The following LRMDA variants were observed in gnomAD, a reference collection of about 807,000 sequenced individuals.
LRMDA encodes leucine rich melanocyte differentiation associated.
Under a neutral mutation model 29.8 loss-of-function variants are expected in LRMDA, and 18 were observed. That is an observed-to-expected ratio of 0.60 (90% CI 0.42 to 0.90). LRMDA has a LOEUF of 0.90. Among genes scored for constraint, LRMDA ranks in the 40% least tolerant of loss-of-function variants. The pLI, the probability that LRMDA is intolerant of heterozygous loss-of-function variation, is 0.00. For missense variants in LRMDA, 273 were observed against 273.9 expected, an observed-to-expected ratio of 1.00 and a Z score of 0.02; for synonymous variants, 125 against 109.4, an observed-to-expected ratio of 1.14 and a Z score of -0.89.
At chr10:76,441,116 A>T (rs555362014) in intron 6 of LRMDA, among the ~76,000 whole-genome samples, 30 of 152,198 alleles carry the variant, frequency 2.0e-4, no homozygotes, top group African/African-American at 6.0e-4. Context: ...GAGGGAACAC[A>T]CACCAGATGG....
chr10:76,386,854 GTTC>G (rs1267317476), intron 6 of LRMDA, among the ~76,000 whole-genome samples: 2 of 151,926 alleles, frequency 1.3e-5, no homozygotes, highest in Non-Finnish European at 2.9e-5. Context: ...GCTTTTACGA[GTTC>G]TACTGAACAA....
chr10:75,520,083 C>T (rs568983813), intron 2 of LRMDA, among the ~76,000 whole-genome samples: 150 of 152,270 alleles, frequency 9.9e-4, no homozygotes, highest in African/African-American at 3.4e-3. Context: ...TGTGGGTAAC[C>T]CGACCTTTCT....
chr10:76,033,899 A>G (rs1448022593), intron 2 of LRMDA, among the ~76,000 whole-genome samples: 1 of 151,966 alleles, frequency 6.6e-6, no homozygotes, highest in South Asian at 2.1e-4. Context: ...GGGTTTGTTC[A>G]TGGGCCCGTC....
chr10:76,273,607 A>T (rs2132324301), intron 5 of LRMDA, among the ~76,000 whole-genome samples: 1 of 152,292 alleles, frequency 6.6e-6, no homozygotes, highest in East Asian at 1.9e-4. Context: ...GGGTTCCCTG[A>T]TGGCAATCTC....
chr10:76,048,351 A>G (rs1243551601), intron 4 of LRMDA, among the ~76,000 whole-genome samples: 1 of 152,216 alleles, frequency 6.6e-6, no homozygotes, highest in Non-Finnish European at 1.5e-5. Context: ...TGAGAGAGGT[A>G]GGGAGGGATT....
At chr10:75,746,255 C>A (rs904866889) in intron 2 of LRMDA, among the ~76,000 whole-genome samples, 3 of 152,210 alleles carry the variant, frequency 2.0e-5, no homozygotes, top group African/African-American at 7.2e-5. Flanking sequence ...TAATTTCAGA[C>A]TGACAGAGGT....
At chr10:75,588,936 C>T (rs1475003571) in intron 2 of LRMDA, among the ~76,000 whole-genome samples, 1 of 152,158 alleles carries the variant, frequency 6.6e-6, no homozygotes, top group Admixed American at 6.5e-5. Context: ...ACATAGAGAG[C>T]TTCCTCATTA....
chr10:75,791,173 A>G (rs371369205), intron 2 of LRMDA, among the ~76,000 whole-genome samples: 4 of 152,282 alleles, frequency 2.6e-5, no homozygotes, highest in Admixed American at 1.3e-4. Flanking sequence ...AGTAGTAAAA[A>G]TCATACCGTC....
At chr10:76,156,363 A>C (rs916531628) in intron 5 of LRMDA, among the ~76,000 whole-genome samples, 3 of 152,168 alleles carry the variant, frequency 2.0e-5, no homozygotes, top group African/African-American at 7.2e-5. Flanking sequence ...TCTTCTATGA[A>C]AAAAACCGAC....
intron 2 of LRMDA, among the ~76,000 whole-genome samples, chr10:75,743,992 G>A (rs1162530187): frequency 6.6e-6 from 1 of 152,158 alleles, no homozygotes; most frequent in East Asian, 1.9e-4. Flanking sequence ...GGTTTCCTGA[G>A]CTGCATTAAA....
At chr10:75,843,427 G>T (rs550041687) in intron 2 of LRMDA, among the ~76,000 whole-genome samples, 4 of 152,202 alleles carry the variant, frequency 2.6e-5, no homozygotes, top group Non-Finnish European at 5.9e-5. Context: ...TATAGAGAAG[G>T]GGGACAAGCA....
At chr10:75,492,967 T>C (rs1316136768) in intron 2 of LRMDA, among the ~76,000 whole-genome samples, 1 of 152,218 alleles carries the variant, frequency 6.6e-6, no homozygotes, top group Non-Finnish European at 1.5e-5. Context: ...ATATAACGGA[T>C]GTCTTGAGGC....
chr10:75,449,147 A>T (rs1027318594), intron 2 of LRMDA, among the ~76,000 whole-genome samples: 4 of 143,838 alleles, frequency 2.8e-5, no homozygotes, highest in Non-Finnish European at 4.5e-5. Context: ...GTGAGACTCC[A>T]TCTCAAAAAA....
intron 6 of LRMDA, among the ~76,000 whole-genome samples, chr10:76,440,550 TC>T (rs5786234): frequency 1 from 152,260 of 152,260 alleles, 76,130 homozygotes; most frequent in Non-Finnish European, 1. Flanking sequence ...CTTAGTCTGA[TC>T]TTCCCTCGTT....
intron 2 of LRMDA, among the ~76,000 whole-genome samples, chr10:75,514,979 T>C (rs1402995653): frequency 2.0e-5 from 3 of 151,778 alleles, no homozygotes; most frequent in Non-Finnish European, 4.4e-5. Flanking sequence ...GAAAAAAGCA[T>C]AGGAAGGTCA....
At chr10:75,582,192 C>T (rs969631196) in intron 2 of LRMDA, among the ~76,000 whole-genome samples, 3 of 152,214 alleles carry the variant, frequency 2.0e-5, no homozygotes, top group Non-Finnish European at 4.4e-5. Context: ...CTAAACAGTG[C>T]CCCACTGGGG....
At chr10:75,940,987 A>C (rs555277641) in intron 2 of LRMDA, among the ~76,000 whole-genome samples, 4 of 152,228 alleles carry the variant, frequency 2.6e-5, no homozygotes, top group South Asian at 4.2e-4. Flanking sequence ...GTTAACTTGA[A>C]GGTTGTAATA....
chr10:76,440,706 G>T (rs201845916), intron 6 of LRMDA, among the ~76,000 whole-genome samples: 1 of 152,028 alleles, frequency 6.6e-6, no homozygotes, highest in East Asian at 1.9e-4. Context: ...CATCAGATCC[G>T]GCTGTACACG....
In LRMDA at chr10:75,733,521, G is replaced by A. The variant is rs1235588608; in HGVS notation, c.131+295027G>A. Among the ~76,000 whole-genome samples, 4 of 152,186 alleles carry A rather than the reference G, an allele frequency of 2.6e-5. No homozygotes were observed. The East Asian group carries it at 7.7e-4, about 29-fold the overall frequency. On this transcript the variant is annotated intron_variant, in intron 2 of 6. Transcript: ENST00000611255. The stretch of plus-strand genomic sequence containing the variant: ...AGCAAACTCTCTGGCCTTTCTGTAT[G>A]AGTGCCACAGGTTGACTTTTTTTTC...
Sources: gnomAD v4.1 joint callset for allele counts (sites outside exome capture counted in the v4.1 genomes callset) on GRCh38, gnomAD v4.1.1 for gene constraint, MANE v1.5 for transcripts, NCBI Gene and HGNC (gene_info 2026-07-23, HGNC 2026-07-21) for gene names.